USP34: variants seen among roughly 807,000 people sequenced by gnomAD.
USP34 encodes ubiquitin specific peptidase 34.
In USP34, 70 loss-of-function variants were observed where a neutral mutation model predicts 460.3. That is an observed-to-expected ratio of 0.15 (90% CI 0.13 to 0.19). The LOEUF is 0.19. Among genes scored for constraint, USP34 ranks in the 10% least tolerant of loss-of-function variants. The probability of loss-of-function intolerance (pLI) is 1.00; values close to 1 mark genes in which losing one functional copy is unlikely to be tolerated. For missense variants in USP34, 3,985 were observed against 4,236.2 expected, an observed-to-expected ratio of 0.94 and a Z score of 1.65; for synonymous variants, 1,647 against 1,405.3, an observed-to-expected ratio of 1.17 and a Z score of -3.85.
At chr2:61,417,338 C>T in intron 2 of USP34, 1 of 632,036 alleles carries the variant, frequency 1.6e-6, no homozygotes, top group Non-Finnish European at 2.9e-6. Flanking sequence ...CACACTGGAC[C>T]CCCATAAGGA....
intron 76 of USP34, 37 bp from the exon 77 acceptor site, chr2:61,190,695 G>A (rs1572820613): frequency 1.3e-6 from 2 of 1,579,822 alleles, no homozygotes; most frequent in Non-Finnish European, 8.6e-7. Context: ...ACTTACGGTT[G>A]AGCACGGAAA....
rs766702205 is a variant in USP34 at position 61,405,908 on chromosome 2, T to C, written c.352A>G (p.Arg118Gly). The change falls in exon 3 of 80, where the codon AGA becomes GGA. Residue 118 changes from arginine to glycine, a missense_variant. By Grantham distance (125) the Arg-to-Gly change is moderately radical. Around this residue, in one of 14 missense-constraint regions of USP34, gnomAD observed 331 missense variants for 293.7 expected, o/e 1.13. Coordinates refer to ENST00000398571, the MANE Select transcript of USP34 (RefSeq NM_014709.4). ...GATTTTTTTTCTATTGATTTTTGTC[T>C]TTCTGTACTTCCTTCATTACACTCT... ...DRECNEGSTE[R>G]QKSIEKKSNS... 6.2e-6 allele frequency: 10 copies of C among 1,613,828 alleles called. No homozygotes were observed. Among genetic ancestry groups the C allele is most frequent in the Middle Eastern group, 3.3e-4 (2 of 6,058 alleles).
chr2:61,259,839 A>G, intron 43 of USP34, 63 bp from the exon 44 acceptor site: 1 of 1,509,158 alleles, frequency 6.6e-7, no homozygotes, highest in Non-Finnish European at 9.1e-7. Flanking sequence ...TAGGCATTCT[A>G]GCAAAGAAAG....
chr2:61,213,939 T>C, intron 68 of USP34, 121 bp downstream of exon 68: 1 of 1,199,950 alleles, frequency 8.3e-7, no homozygotes, highest in Non-Finnish European at 1.2e-6. Flanking sequence ...AAATACACAT[T>C]AAGTTCTTAA....
At chr2:61,221,811 A>C (rs1687595870) in intron 65 of USP34, 1 of 414,630 alleles carries the variant, frequency 2.4e-6, no homozygotes, top group Non-Finnish European at 4.3e-6. Flanking sequence ...ACCACGTATG[A>C]TAGATTTTTC....
At chr2:61,317,457 G>A (rs923376027) in intron 23 of USP34, among the ~76,000 whole-genome samples, 197 bp downstream of exon 23, 1 of 152,174 alleles carries the variant, frequency 6.6e-6, no homozygotes, top group African/African-American at 2.4e-5. Flanking sequence ...AATCTGGGAG[G>A]TGGAGGTTGC....
rs117291177 is a variant in USP34 at position 61,310,222 on chromosome 2, T to G, written c.3817+1318A>C. Among the ~76,000 whole-genome samples, 348 of 152,270 alleles carry G rather than the reference T, an allele frequency of 2.3e-3. 6 individuals are homozygous for G. The East Asian group carries it at 0.049, about 21-fold the overall frequency. On this transcript the variant is annotated intron_variant, in intron 27 of 79. Coordinates refer to ENST00000398571, the MANE Select transcript of USP34 (RefSeq NM_014709.4). Reference sequence around the variant, plus strand: ...TATATTTCAACCTAACCAAAGCAGATACATTTGGATCCAGAAATTCCATAA... The same window carrying G: ...TATATTTCAACCTAACCAAAGCAGAGACATTTGGATCCAGAAATTCCATAA...
intron 41 of USP34, among the ~76,000 whole-genome samples, chr2:61,271,171 C>G (rs1689202303): frequency 6.6e-6 from 1 of 152,066 alleles, no homozygotes; most frequent in Non-Finnish European, 1.5e-5. Context: ...TGTGGTGACA[C>G]ACGCCTGTAA....
chr2:61,333,020 CA>C (rs943017834), intron 19 of USP34, among the ~76,000 whole-genome samples: 2 of 151,990 alleles, frequency 1.3e-5, no homozygotes, highest in African/African-American at 2.4e-5. Flanking sequence ...CTTGATCTCA[CA>C]AATGAATCCT....
chr2:61,419,131 C>T (rs1694285485), intron 2 of USP34, among the ~76,000 whole-genome samples: 1 of 152,138 alleles, frequency 6.6e-6, no homozygotes, highest in South Asian at 2.1e-4. Flanking sequence ...GTCATCATCA[C>T]TCGTTCACAG....
At chr2:61,365,341 A>G (rs191248118) in intron 10 of USP34, among the ~76,000 whole-genome samples, 40 of 151,906 alleles carry the variant, frequency 2.6e-4, no homozygotes, top group Non-Finnish European at 4.6e-4. Flanking sequence ...ATATGTATGT[A>G]TGTATGTATG....
intron 16 of USP34, among the ~76,000 whole-genome samples, chr2:61,341,075 A>G (rs1558538299): frequency 2.0e-5 from 3 of 152,186 alleles, no homozygotes; most frequent in African/African-American, 4.8e-5. Context: ...AGAACTGCAC[A>G]TAAGTAATAC....
At chr2:61,188,791 G>T in intron 79 of USP34, 82 bp from the exon 80 acceptor site, 1 of 1,566,650 alleles carries the variant, frequency 6.4e-7, no homozygotes, top group Non-Finnish European at 8.6e-7. Flanking sequence ...AGTTAATTTT[G>T]TTTCTAGCAT....
intron 1 of USP34, among the ~76,000 whole-genome samples, chr2:61,460,300 G>A (rs545161658): frequency 5.9e-5 from 9 of 152,132 alleles, no homozygotes; most frequent in East Asian, 3.9e-4. Context: ...GTGCCGTCCC[G>A]TCTAGGATGT....
At chr2:61,445,836 T>C (rs1280845281) in intron 1 of USP34, among the ~76,000 whole-genome samples, 1 of 151,780 alleles carries the variant, frequency 6.6e-6, no homozygotes, top group Non-Finnish European at 1.5e-5. Flanking sequence ...TAATACCAGC[T>C]ACTCGGGAGC....
intron 8 of USP34, among the ~76,000 whole-genome samples, chr2:61,375,397 C>A (rs1446532468): frequency 6.6e-6 from 1 of 152,140 alleles, no homozygotes; most frequent in Non-Finnish European, 1.5e-5. Context: ...TCCTAAGTAT[C>A]TACCATGAAA....
intron 5 of USP34, among the ~76,000 whole-genome samples, chr2:61,386,403 A>T (rs1693145848): frequency 6.6e-6 from 1 of 152,204 alleles, no homozygotes; most frequent in Admixed American, 6.5e-5. Flanking sequence ...CTATAAATAA[A>T]AATGTATTGC....
intron 43 of USP34, among the ~76,000 whole-genome samples, chr2:61,264,161 T>A (rs1430353453): frequency 1.3e-5 from 2 of 152,188 alleles, no homozygotes; most frequent in African/African-American, 4.8e-5. Context: ...CAACTACTTT[T>A]AGTCATAATG....
intron 16 of USP34, among the ~76,000 whole-genome samples, chr2:61,340,036 GTTTCCT>G (rs1412012128): frequency 6.6e-6 from 1 of 151,958 alleles, no homozygotes; most frequent in Non-Finnish European, 1.5e-5. Flanking sequence ...AAGTGAAATC[GTTTCCT>G]TTCTACAGTC....
Sources: allele counts gnomAD v4.1 joint callset (sites outside exome capture counted in the v4.1 genomes callset), GRCh38; gene constraint gnomAD v4.1.1; regional missense constraint gnomAD v4.1.1; transcripts MANE v1.5; gene names NCBI Gene and HGNC (gene_info 2026-07-23, HGNC 2026-07-21).